Variants in RWDD4 observed in about 807,000 individuals in gnomAD.
RWDD4 encodes RWD domain-containing protein 4.
A neutral mutation model predicts 30.0 loss-of-function variants in RWDD4; 16 were observed. The ratio of observed to expected loss-of-function variants is 0.53; its 90% CI spans 0.36 to 0.81. The LOEUF is 0.81. Among genes scored for constraint, RWDD4 ranks in the 30% least tolerant of loss-of-function variants. The probability of loss-of-function intolerance (pLI) is 0.00; values close to 1 mark genes in which losing one functional copy is unlikely to be tolerated. For synonymous variants in RWDD4, 45 were observed against 72.1 expected (o/e 0.62, Z 1.90); for missense variants, 170 against 223.9 (o/e 0.76, Z 1.54).
intron 2 of RWDD4, among the ~76,000 whole-genome samples, chr4:183,651,848 T>C (rs941031246): frequency 6.6e-6 from 1 of 152,212 alleles, no homozygotes; most frequent in Non-Finnish European, 1.5e-5. Flanking sequence ...CTGCTAACAA[T>C]TTCTGAATAA....
At chr4:183,649,841 G>T (rs1297726947) in intron 4 of RWDD4, among the ~76,000 whole-genome samples, 1 of 152,210 alleles carries the variant, frequency 6.6e-6, no homozygotes, top group Admixed American at 6.5e-5. Context: ...TTGAAGATCT[G>T]AGGTTCCAAG....
chr4:183,654,442 G>A (rs1204200198), intron 2 of RWDD4, among the ~76,000 whole-genome samples: 1 of 152,150 alleles, frequency 6.6e-6, no homozygotes, highest in Non-Finnish European at 1.5e-5. Flanking sequence ...GTGTGACTCA[G>A]GCCACAGGAA....
At chr4:183,648,120 A>G (rs4604092) in intron 5 of RWDD4, among the ~76,000 whole-genome samples, 39,468 of 151,850 alleles carry the variant, frequency 0.26, 6,213 homozygotes, top group African/African-American at 0.44. Flanking sequence ...GACATGCGCC[A>G]GTAGTCTCAG....
intron 5 of RWDD4, among the ~76,000 whole-genome samples, chr4:183,648,718 A>G (rs1278087827): frequency 6.6e-6 from 1 of 152,230 alleles, no homozygotes; most frequent in Non-Finnish European, 1.5e-5. Context: ...AGCTCCAGGT[A>G]GAACATGTTT....
At position 183,641,244 on chromosome 4, in the gene RWDD4, A is replaced by C; in HGVS notation, c.*192T>G. On this transcript the variant is annotated 3_prime_UTR_variant, in exon 8 of 8. Transcript: ENST00000326397. ...AACATTTTCACCTTTTATTAAGGCAAGTTTGTGAAAATAATTTAATACAAC... is the reference window on the plus strand; with the variant it reads ...AACATTTTCACCTTTTATTAAGGCACGTTTGTGAAAATAATTTAATACAAC... The C allele has an allele frequency of 1.6e-6, 1 of 610,270 alleles. No individual in the cohort carries two copies. The highest frequency in any genetic ancestry group is 3.2e-5 in the Admixed American group (1 of 31,700). 37.8% of individuals were successfully genotyped at this position (610,270 alleles called of 1,614,324 possible). A position where few individuals can be genotyped will look rare whatever the true frequency, so the allele number is the denominator to read the frequency against.
chr4:183,655,245 TATAATC>T (rs1434184237), intron 2 of RWDD4, among the ~76,000 whole-genome samples: 1 of 152,124 alleles, frequency 6.6e-6, no homozygotes, highest in Non-Finnish European at 1.5e-5. Context: ...CCCGCCTACT[TATAATC>T]ATTTGAATAA....
At chr4:183,652,359 G>A (rs1412005053) in intron 2 of RWDD4, among the ~76,000 whole-genome samples, 1 of 86,294 alleles carries the variant, frequency 1.2e-5, no homozygotes, top group Non-Finnish European at 2.2e-5. Context: ...CCTCTCCCCT[G>A]GCTTTTTTTT....
chr4:183,642,421 C>G lies in RWDD4; in HGVS notation c.535-953G>C, dbSNP rs546463710. On this transcript the variant is annotated intron_variant, in intron 7 of 7. Coordinates refer to ENST00000326397, the MANE Select transcript of RWDD4 (RefSeq NM_152682.4). ...AGCCAGGATGGTCTCGATCTCCTGA[C>G]CTCGTGATCCGCCCGCCTCGGCCTC... Among the ~76,000 whole-genome samples the G allele has an allele frequency of 1.3e-4, 11 of 85,298 alleles. 5 individuals are homozygous for G. The highest frequency in any genetic ancestry group is 6.7e-4 in the South Asian group (2 of 2,968). 56.0% of individuals were successfully genotyped at this position (85,298 alleles called of 152,430 possible). A position where few individuals can be genotyped will look rare whatever the true frequency, so the allele number is the denominator to read the frequency against.
chr4:183,647,634 G>A (rs963181094), intron 5 of RWDD4, among the ~76,000 whole-genome samples: 2 of 152,136 alleles, frequency 1.3e-5, no homozygotes, highest in African/African-American at 2.4e-5. Flanking sequence ...GAAATAGAGT[G>A]ATCACAGGTC....
chr4:183,654,105 C>T lies in RWDD4; in HGVS notation c.105+1776G>A, dbSNP rs140243312. On this transcript the variant is annotated intron_variant, in intron 2 of 7. Transcript: ENST00000326397. The stretch of plus-strand genomic sequence containing the variant: ...AAAGATCAAACAATGTGTGCAAAAG[C>T]ATAGTACTAGAAAAAAATACACGGG... Among the ~76,000 whole-genome samples, 407 of 152,086 alleles carry T rather than the reference C, an allele frequency of 2.7e-3. 1 individual carries two copies. Among genetic ancestry groups the T allele is most frequent in the African/African-American group, 9.5e-3 (395 of 41,502 alleles).
Position 183,641,473 on chromosome 4 carries a change from A to G in RWDD4, c.535-5T>C. 1 of 1,577,356 alleles carries G rather than the reference A, an allele frequency of 6.3e-7. No individual in the cohort carries two copies. Among genetic ancestry groups the G allele is most frequent in the Non-Finnish European group, 8.7e-7 (1 of 1,151,634 alleles). ...CTTAGAGCCAGTTTTGCTTAACTATAAAAAAAAGAGAGAAAATAGTCAACA... is the reference window on the plus strand; with the variant it reads ...CTTAGAGCCAGTTTTGCTTAACTATGAAAAAAAGAGAGAAAATAGTCAACA... On this transcript the variant is annotated splice_region_variant and splice_polypyrimidine_tract_variant and intron_variant, in intron 7 of 7. Transcript: ENST00000326397.
Position 183,641,474 on chromosome 4 carries a change from A to G in RWDD4, c.535-6T>C, listed in dbSNP as rs779583900. On this transcript the variant is annotated splice_region_variant and splice_polypyrimidine_tract_variant and intron_variant, in intron 7 of 7. Transcript: ENST00000326397. ...TTAGAGCCAGTTTTGCTTAACTATAAAAAAAAGAGAGAAAATAGTCAACAA... is the reference window on the plus strand; with the variant it reads ...TTAGAGCCAGTTTTGCTTAACTATAGAAAAAAGAGAGAAAATAGTCAACAA... The G allele has an allele frequency of 6.2e-7, 1 of 1,603,268 alleles. No individual in the cohort carries two copies. Among genetic ancestry groups the G allele is most frequent in the South Asian group, 1.1e-5 (1 of 90,298 alleles).
At chr4:183,650,209 G>A (rs1275715751) in intron 4 of RWDD4, among the ~76,000 whole-genome samples, 3 of 152,162 alleles carry the variant, frequency 2.0e-5, no homozygotes, top group East Asian at 1.9e-4. Flanking sequence ...GAAACCTGCC[G>A]AAAGTCACAG....
At chr4:183,646,264 A>T (rs1463631417) in intron 7 of RWDD4, 87 bp downstream of exon 7, 1 of 744,034 alleles carries the variant, frequency 1.3e-6, no homozygotes, top group South Asian at 1.5e-5. Flanking sequence ...AACTTCTGCA[A>T]ATTTTCCATT....
At position 183,655,870 on chromosome 4, in the gene RWDD4, C is replaced by T. The variant is rs1025914652; in HGVS notation, c.105+11G>A. ...AAAGTTCTAAGTGCTCTTATTCATGCCATGTCTTACCCTATATTGAAAAGA... is the reference window on the plus strand; with the variant it reads ...AAAGTTCTAAGTGCTCTTATTCATGTCATGTCTTACCCTATATTGAAAAGA... On this transcript the variant is annotated intron_variant, in intron 2 of 7. Coordinates refer to ENST00000326397, the MANE Select transcript of RWDD4 (RefSeq NM_152682.4). 5 of 1,563,320 alleles carry T rather than the reference C, an allele frequency of 3.2e-6. No homozygotes were observed. Among genetic ancestry groups the T allele is most frequent in the Non-Finnish European group, 3.5e-6 (4 of 1,138,692 alleles).
At chr4:183,654,149 T>G (rs1734137464) in intron 2 of RWDD4, among the ~76,000 whole-genome samples, 1 of 152,138 alleles carries the variant, frequency 6.6e-6, no homozygotes. Context: ...TCACAACCCA[T>G]TATGTCTAAG....
chr4:183,656,479 A>G (rs947717046), intron 1 of RWDD4, among the ~76,000 whole-genome samples: 5 of 152,258 alleles, frequency 3.3e-5, no homozygotes, highest in Non-Finnish European at 5.9e-5. Context: ...AAGGCTGACA[A>G]GTATCTACCC....
intron 1 of RWDD4, among the ~76,000 whole-genome samples, chr4:183,658,226 G>A (rs371247624): frequency 2.0e-5 from 3 of 152,084 alleles, no homozygotes; most frequent in Non-Finnish European, 4.4e-5. Flanking sequence ...CACCCAATAA[G>A]ACCTGGTTTC....
At chr4:183,645,485 C>A (rs908712249) in intron 7 of RWDD4, among the ~76,000 whole-genome samples, 1 of 151,752 alleles carries the variant, frequency 6.6e-6, no homozygotes, top group Non-Finnish European at 1.5e-5. Context: ...CCACAAAAGC[C>A]AAGGCCAGGT....
Sources: allele counts gnomAD v4.1 joint callset (sites outside exome capture counted in the v4.1 genomes callset), GRCh38; gene constraint gnomAD v4.1.1; transcripts MANE v1.5; gene names NCBI Gene and HGNC (gene_info 2026-07-23, HGNC 2026-07-21).